Variants in MTHFD1 observed in about 807,000 individuals in gnomAD.
The protein encoded by MTHFD1 is methylenetetrahydrofolate dehydrogenase, cyclohydrolase and formyltetrahydrofolate synthetase 1, also known as C-1-tetrahydrofolate synthase, cytoplasmic.
MTHFD1 carries 44 observed loss-of-function variants against 110.3 expected under a neutral mutation model. The observed-to-expected ratio is 0.40, with a 90% CI of 0.31 to 0.51. MTHFD1 has a LOEUF of 0.51. Among genes scored for constraint, MTHFD1 ranks in the 20% least tolerant of loss-of-function variants. The pLI is 0.60. For missense variants in MTHFD1, 909 were observed against 1,173.1 expected (o/e 0.77, Z 3.29); for synonymous variants, 402 against 428.8 (o/e 0.94, Z 0.77).
rs1271386043 is a variant in MTHFD1 at position 64,419,806 on chromosome 14, AC to A, written c.616-4del. On this transcript the variant is annotated splice_polypyrimidine_tract_variant and splice_region_variant and intron_variant, in intron 7 of 27. Coordinates refer to ENST00000652337, the MANE Select transcript of MTHFD1 (RefSeq NM_005956.4). ...TTCATTTCTGATGTCCAAATCCCCT[AC>A]CCCTAGGTAAATAAAGGTGACATCC... The A allele has an allele frequency of 3.1e-6, 5 of 1,592,718 alleles. No homozygotes were observed. Among genetic ancestry groups the A allele is most frequent in the African/African-American group, 2.7e-5 (2 of 74,346 alleles).
chr14:64,440,374 A>G, intron 18 of MTHFD1, 108 bp downstream of exon 18: 1 of 1,297,000 alleles, frequency 7.7e-7, no homozygotes, highest in South Asian at 1.2e-5. Flanking sequence ...AGACATTGCA[A>G]TTAATTCATC....
intron 2 of MTHFD1, among the ~76,000 whole-genome samples, chr14:64,401,889 T>A (rs1482993469): frequency 6.6e-6 from 1 of 152,190 alleles, no homozygotes; most frequent in Non-Finnish European, 1.5e-5. Context: ...CTGTATGGCT[T>A]AGTAGAAGAG....
intron 1 of MTHFD1, among the ~76,000 whole-genome samples, chr14:64,399,734 G>A (rs1364696265): frequency 6.6e-6 from 1 of 151,260 alleles, no homozygotes; most frequent in Non-Finnish European, 1.5e-5. Context: ...GGAAGTTCCT[G>A]TACATATTAA....
At chr14:64,459,599 A>G (rs571745862) in intron 27 of MTHFD1, among the ~76,000 whole-genome samples, 160 bp from the exon 28 acceptor site, 1 of 152,260 alleles carries the variant, frequency 6.6e-6, no homozygotes, top group Non-Finnish European at 1.5e-5. Context: ...ATCATTTTCA[A>G]GTCCATTTAT....
At chr14:64,399,199 T>C (rs1305078452) in intron 1 of MTHFD1, among the ~76,000 whole-genome samples, 1 of 152,234 alleles carries the variant, frequency 6.6e-6, no homozygotes, top group African/African-American at 2.4e-5. Context: ...AAATTTTTCA[T>C]GACAGCACCT....
At chr14:64,421,735 C>T (rs1389317247) in intron 8 of MTHFD1, among the ~76,000 whole-genome samples, 10 of 152,010 alleles carry the variant, frequency 6.6e-5, no homozygotes, top group South Asian at 4.1e-4. Flanking sequence ...GCCATTCTCC[C>T]GCCTCCGCCT....
chr14:64,433,689 A>G (rs1041567517), intron 15 of MTHFD1, among the ~76,000 whole-genome samples: 7 of 147,496 alleles, frequency 4.7e-5, no homozygotes, highest in Non-Finnish European at 8.9e-5. Context: ...TGCTGGGATT[A>G]CTTGCATGAA....
chr14:64,403,466 C>A (rs1202922271), intron 2 of MTHFD1, among the ~76,000 whole-genome samples: 1 of 152,088 alleles, frequency 6.6e-6, no homozygotes, highest in Non-Finnish European at 1.5e-5. Context: ...TAGGGTTTCA[C>A]CATTTTGGCC....
rs758941085 is a variant in MTHFD1 at position 64,417,962 on chromosome 14, C to A, written c.553C>A (p.Leu185Ile). The change falls in exon 7 of 28, where the codon CTT becomes ATT. Residue 185 changes from leucine to isoleucine, a missense_variant. By Grantham distance (5) the Leu-to-Ile change is conservative. Transcript: ENST00000652337. The surrounding 1 kb of genome is among the most constrained non-coding windows in gnomAD (Gnocchi z 4.4). Reference sequence around the variant, plus strand: ...AGTTGGGGCCCCGATGCATGACTTGCTTCTGTGGAACAATGCCACAGTGAC... The same window carrying A: ...AGTTGGGGCCCCGATGCATGACTTGATTCTGTGGAACAATGCCACAGTGAC... ...KIVGAPMHDL[L>I]LWNNATVTTC... 6.2e-7 allele frequency: 1 copy of A among 1,614,062 alleles called. No individual in the cohort carries two copies. Among genetic ancestry groups the A allele is most frequent in the South Asian group, 1.1e-5 (1 of 91,080 alleles).
chr14:64,448,327 G>A lies in MTHFD1; in HGVS notation c.2279+10G>A, dbSNP rs765721288. The A allele has an allele frequency of 6.3e-7, 1 of 1,581,316 alleles. No individual in the cohort carries two copies. The highest frequency in any genetic ancestry group is 1.7e-5 in the Admixed American group (1 of 59,982). On this transcript the variant is annotated intron_variant, in intron 23 of 27. Coordinates refer to ENST00000652337, the MANE Select transcript of MTHFD1 (RefSeq NM_005956.4). Reference sequence around the variant, plus strand: ...CCGTGAATGCATTCAAGTAAGTGTAGAGTGTAAGCGAAAAGGATGAATGTG... The same window carrying A: ...CCGTGAATGCATTCAAGTAAGTGTAAAGTGTAAGCGAAAAGGATGAATGTG...
intron 1 of MTHFD1, among the ~76,000 whole-genome samples, chr14:64,394,077 C>T (rs2077828113): frequency 6.6e-6 from 1 of 152,074 alleles, no homozygotes; most frequent in African/African-American, 2.4e-5. Context: ...CTGCACTGTG[C>T]GGTTGGCTCT....
At chr14:64,459,142 G>A (rs902255713) in intron 27 of MTHFD1, among the ~76,000 whole-genome samples, 60 of 152,282 alleles carry the variant, frequency 3.9e-4, no homozygotes, top group African/African-American at 1.4e-3. Context: ...AATCTATCTG[G>A]ATATTTTCAG....
chr14:64,432,302 T>C (rs2078166250), intron 15 of MTHFD1, among the ~76,000 whole-genome samples: 1 of 152,252 alleles, frequency 6.6e-6, no homozygotes, highest in Non-Finnish European at 1.5e-5. Flanking sequence ...ACCATAGTTA[T>C]ATCTATATTT....
At chr14:64,427,599 C>T in intron 12 of MTHFD1, 126 bp downstream of exon 12, 1 of 974,426 alleles carries the variant, frequency 1.0e-6, no homozygotes, top group South Asian at 1.3e-5. Flanking sequence ...ATGTCATTCT[C>T]ACAAACCTCT....
chr14:64,430,326 C>T, intron 13 of MTHFD1, 96 bp downstream of exon 13: 1 of 1,186,726 alleles, frequency 8.4e-7, no homozygotes, highest in Non-Finnish European at 1.3e-6. Context: ...ATGACGGAGT[C>T]TTGCTCTGTT....
Position 64,431,557 on chromosome 14 carries a change from T to C in MTHFD1, c.1337T>C (p.Ile446Thr). 1 of 1,614,104 alleles carries C rather than the reference T, an allele frequency of 6.2e-7. No individual in the cohort carries two copies. Among genetic ancestry groups the C allele is most frequent in the Non-Finnish European group, 8.5e-7 (1 of 1,179,982 alleles). Reference protein sequence around the residue: ...EEFNLHLTGDIHAITAANNLV... With the variant: ...EEFNLHLTGDTHAITAANNLV... Reference sequence around the variant, plus strand: ...TTTAATCTCCACCTCACAGGTGACATCCATGCCATCACTGCAGCTAATAAC... The same window carrying C: ...TTTAATCTCCACCTCACAGGTGACACCCATGCCATCACTGCAGCTAATAAC... The change falls in exon 14 of 28, where the codon ATC (isoleucine) becomes ACC (threonine). Residue 446 changes from isoleucine (I) to threonine (T), a missense_variant. Ile to Thr is a moderately conservative substitution (Grantham distance 89). Around this residue, in one of 3 missense-constraint regions of MTHFD1, gnomAD observed 482 missense variants for 646.0 expected, o/e 0.75. Transcript: ENST00000652337.
chr14:64,454,631 A>T lies in MTHFD1; in HGVS notation c.2566-92A>T, dbSNP rs2078435278. ...AAAGGGAGTTGGATGTTTCGAATAA[A>T]TTGAAGAATCCATGTAATCACAGGG... On this transcript the variant is annotated intron_variant, in intron 25 of 27. Transcript: ENST00000652337. 4.8e-6 allele frequency: 5 copies of T among 1,046,500 alleles called. No individual in the cohort carries two copies. In the East Asian group the frequency reaches 1.2e-4, roughly 25 times the overall value. The allele number at this position is 1,046,500 out of a possible 1,614,324, so 64.8% of individuals were successfully genotyped here. A position where few individuals can be genotyped will look rare whatever the true frequency, so the allele number is the denominator to read the frequency against.
Position 64,447,967 on chromosome 14 carries a change from T to G in MTHFD1, c.2179-250T>G, listed in dbSNP as rs182752805. The G allele has an allele frequency of 9.2e-4, 488 of 531,972 alleles. 2 individuals carry two copies. The highest frequency in any genetic ancestry group is 8.6e-3 in the African/African-American group (452 of 52,506). The allele number at this position is 531,972 out of a possible 1,614,324, so 33.0% of individuals were successfully genotyped here. A position where few individuals can be genotyped will look rare whatever the true frequency, so the allele number is the denominator to read the frequency against. On this transcript the variant is annotated intron_variant, in intron 22 of 27. Coordinates refer to ENST00000652337, the MANE Select transcript of MTHFD1 (RefSeq NM_005956.4). ...GACAGGAAACATACCAGCTCTTTTT[T>G]TCTTGAAGGCTGGGAAACAAGCAGA...
intron 2 of MTHFD1, among the ~76,000 whole-genome samples, chr14:64,404,039 C>T (rs939070958): frequency 3.3e-5 from 5 of 152,212 alleles, no homozygotes; most frequent in South Asian, 2.1e-4. Context: ...TCGGTACAGA[C>T]GTTAACACAA....
Sources: gnomAD v4.1 joint callset for allele counts (sites outside exome capture counted in the v4.1 genomes callset) on GRCh38, gnomAD v4.1.1 for gene constraint, gnomAD v4.1.1 regional missense constraint, Gnocchi (gnomAD v3.1) non-coding constraint, MANE v1.5 for transcripts, NCBI Gene and HGNC (gene_info 2026-07-23, HGNC 2026-07-21) for gene names.